Variants in TNKS observed in about 807,000 individuals in gnomAD.
TNKS encodes poly [ADP-ribose] polymerase tankyrase-1.
Under a neutral mutation model 135.8 loss-of-function variants are expected in TNKS, and 72 were observed. The ratio of observed to expected loss-of-function variants is 0.53; its 90% CI spans 0.44 to 0.64. The LOEUF (loss-of-function observed/expected upper bound fraction) is 0.64. Among genes scored for constraint, TNKS ranks in the 30% least tolerant of loss-of-function variants. TNKS has a pLI of 0.00. For missense variants in TNKS, 1,769 were observed against 1,674.0 expected (o/e 1.06, Z -0.99); for synonymous variants, 849 against 649.3 (o/e 1.31, Z -4.68).
chr8:9,695,465 G>A (rs762618518), intron 5 of TNKS, among the ~76,000 whole-genome samples: 4 of 152,104 alleles, frequency 2.6e-5, no homozygotes, highest in Admixed American at 6.5e-5. Context: ...AAAAGGTGAA[G>A]TTGGAAAGTT....
intron 2 of TNKS, among the ~76,000 whole-genome samples, chr8:9,603,127 A>G (rs1419324503): frequency 2.0e-5 from 3 of 151,878 alleles, no homozygotes; most frequent in African/African-American, 7.3e-5. Context: ...ATCTTGGCTC[A>G]CTGCAACCTC....
intron 5 of TNKS, among the ~76,000 whole-genome samples, chr8:9,681,452 G>GTA (rs1393130490): frequency 6.6e-6 from 1 of 152,068 alleles, no homozygotes; most frequent in Non-Finnish European, 1.5e-5. Flanking sequence ...AGACTGAAAT[G>GTA]TAATCCTTTA....
chr8:9,654,418 T>A (rs13275867), intron 3 of TNKS, among the ~76,000 whole-genome samples: 22,757 of 152,230 alleles, frequency 0.15, 1,898 homozygotes, highest in Admixed American at 0.24. Context: ...TTTTAATACC[T>A]TTGCAACTGA....
At chr8:9,678,371 AATAG>A (rs1802637414) in intron 3 of TNKS, among the ~76,000 whole-genome samples, 1 of 151,078 alleles carries the variant, frequency 6.6e-6, no homozygotes, top group African/African-American at 2.5e-5. Flanking sequence ...CAGGAACTTA[AATAG>A]ATGGAGGATA....
intron 23 of TNKS, among the ~76,000 whole-genome samples, chr8:9,765,049 G>A (rs6986755): frequency 0.11 from 17,040 of 152,146 alleles, 1,301 homozygotes; most frequent in African/African-American, 0.21. Flanking sequence ...TGATACTTAC[G>A]TGGATATTGG....
At chr8:9,754,630 C>G (rs768788044) in intron 20 of TNKS, among the ~76,000 whole-genome samples, 7 of 152,074 alleles carry the variant, frequency 4.6e-5, no homozygotes, top group Non-Finnish European at 8.8e-5. Flanking sequence ...TATTTTTACC[C>G]TCTTACTAGC....
intron 3 of TNKS, among the ~76,000 whole-genome samples, chr8:9,625,251 A>G (rs989481100): frequency 1.3e-5 from 2 of 152,056 alleles, no homozygotes; most frequent in African/African-American, 2.4e-5. Context: ...TGGTGCCTGC[A>G]GGGTCTGTAG....
At chr8:9,703,667 T>A (rs920371465) in intron 5 of TNKS, among the ~76,000 whole-genome samples, 3 of 152,232 alleles carry the variant, frequency 2.0e-5, no homozygotes, top group Non-Finnish European at 4.4e-5. Context: ...GTTTAGTACT[T>A]CTTTTGTATC....
At chr8:9,601,926 T>A (rs1268917770) in intron 2 of TNKS, among the ~76,000 whole-genome samples, 1 of 152,144 alleles carries the variant, frequency 6.6e-6, no homozygotes, top group Admixed American at 6.5e-5. Flanking sequence ...TATAAAAGCG[T>A]TCAGAGGCCC....
chr8:9,647,298 G>T (rs998732694), intron 3 of TNKS, among the ~76,000 whole-genome samples: 1 of 152,132 alleles, frequency 6.6e-6, no homozygotes, highest in African/African-American at 2.4e-5. Flanking sequence ...TACTATTGTT[G>T]CTGAGTACAA....
At chr8:9,707,158 G>A (rs1380898411) in intron 8 of TNKS, 161 bp downstream of exon 8, 1 of 632,262 alleles carries the variant, frequency 1.6e-6, no homozygotes, top group Non-Finnish European at 2.5e-6. Context: ...CCATGGGAAT[G>A]TTATATACAG....
intron 21 of TNKS, among the ~76,000 whole-genome samples, chr8:9,762,946 A>G (rs1263146521): frequency 6.6e-6 from 1 of 151,524 alleles, no homozygotes; most frequent in Non-Finnish European, 1.5e-5. Flanking sequence ...GTCCCCAAAC[A>G]TCTTCATTTT....
At chr8:9,577,514 G>A (rs139655994) in intron 1 of TNKS, among the ~76,000 whole-genome samples, 4 of 152,102 alleles carry the variant, frequency 2.6e-5, no homozygotes, top group Admixed American at 2.0e-4. Context: ...GGGGAAGCAG[G>A]CATGTCTTAT....
At chr8:9,706,492 A>G (rs1026714385) in intron 7 of TNKS, among the ~76,000 whole-genome samples, 2 of 152,170 alleles carry the variant, frequency 1.3e-5, no homozygotes, top group Admixed American at 1.3e-4. Flanking sequence ...CCTCCCCAGT[A>G]GCTGGGATTA....
chr8:9,733,614 G>A (rs559606361), intron 15 of TNKS, among the ~76,000 whole-genome samples, 170 bp downstream of exon 15: 5 of 152,220 alleles, frequency 3.3e-5, no homozygotes, highest in South Asian at 2.1e-4. Context: ...ATAGCTTTGC[G>A]TAGTGCCTAA....
At chr8:9,594,968 C>A (rs950159864) in intron 2 of TNKS, among the ~76,000 whole-genome samples, 1 of 152,194 alleles carries the variant, frequency 6.6e-6, no homozygotes, top group Admixed American at 6.5e-5. Flanking sequence ...TCATTTCTCA[C>A]ACCTTCTTTA....
chr8:9,593,934 T>G (rs1416400728), intron 2 of TNKS, among the ~76,000 whole-genome samples: 2 of 152,128 alleles, frequency 1.3e-5, no homozygotes, highest in Non-Finnish European at 2.9e-5. Context: ...TCACCCAGGC[T>G]GGAGTGCAAT....
chr8:9,650,642 G>C (rs1340163437), intron 3 of TNKS, among the ~76,000 whole-genome samples: 2 of 151,994 alleles, frequency 1.3e-5, no homozygotes, highest in Admixed American at 6.6e-5. Flanking sequence ...CATGTCCTTT[G>C]CCCACTTTTT....
intron 3 of TNKS, among the ~76,000 whole-genome samples, chr8:9,656,900 G>T (rs1466258584): frequency 7.9e-6 from 1 of 127,300 alleles, no homozygotes; most frequent in Non-Finnish European, 1.7e-5. Context: ...AACCCTGAGT[G>T]GACACAGCAC....
Sources: gnomAD v4.1 joint callset for allele counts (sites outside exome capture counted in the v4.1 genomes callset) on GRCh38, gnomAD v4.1.1 for gene constraint, MANE v1.5 for transcripts, NCBI Gene and HGNC (gene_info 2026-07-23, HGNC 2026-07-21) for gene names.